The following ZKSCAN5 variants were observed in gnomAD, a reference collection of about 807,000 sequenced individuals.
ZKSCAN5 encodes zinc finger with KRAB and SCAN domains 5.
In ZKSCAN5, 28 loss-of-function variants were observed where a neutral mutation model predicts 60.0. That is an observed-to-expected ratio of 0.47 (90% CI 0.35 to 0.64). The LOEUF (loss-of-function observed/expected upper bound fraction) is 0.64. ZKSCAN5 is among the 30% of genes least tolerant of loss of function. The pLI is 0.01. For synonymous variants in ZKSCAN5, 361 were observed against 371.2 expected, an observed-to-expected ratio of 0.97 and a Z score of 0.31; for missense variants, 881 against 1,034.6, an observed-to-expected ratio of 0.85 and a Z score of 2.04.
chr7:99,518,493 C>T (rs73148823), intron 3 of ZKSCAN5, among the ~76,000 whole-genome samples: 374 of 151,910 alleles, frequency 2.5e-3, no homozygotes, highest in Admixed American at 4.3e-3. Context: ...TCACCCCAGG[C>T]CTTTTGAGTC....
intron 5 of ZKSCAN5, 69 bp downstream of exon 5, chr7:99,520,373 C>T (rs1392156279): frequency 4.0e-6 from 6 of 1,488,114 alleles, no homozygotes; most frequent in Non-Finnish European, 4.5e-6. Context: ...GTATTTCTGG[C>T]TCATCTTATA....
chr7:99,527,734 G>T (rs1240469392), intron 6 of ZKSCAN5, among the ~76,000 whole-genome samples: 1 of 151,834 alleles, frequency 6.6e-6, no homozygotes, highest in Non-Finnish European at 1.5e-5. Context: ...GCCCAGGCTG[G>T]AGTGCAATGG....
chr7:99,523,480 G>C (rs1474212562), intron 5 of ZKSCAN5, among the ~76,000 whole-genome samples: 1 of 152,134 alleles, frequency 6.6e-6, no homozygotes, highest in East Asian at 1.9e-4. Flanking sequence ...AATTAGCTAG[G>C]CGTGGTGGTG....
At chr7:99,514,222 C>A (rs187324596) in intron 3 of ZKSCAN5, among the ~76,000 whole-genome samples, 2 of 152,242 alleles carry the variant, frequency 1.3e-5, no homozygotes. Flanking sequence ...ATTAGAAATA[C>A]ATTGTTCATC....
rs959337247 is a variant in ZKSCAN5 at position 99,516,972 on chromosome 7, A to C, written c.554-2855A>C. On this transcript the variant is annotated intron_variant, in intron 3 of 6. Coordinates refer to ENST00000326775, the MANE Select transcript of ZKSCAN5 (RefSeq NM_145102.4). ...CAATCTTTTGGCTTTCCTGGGCCACACTGGAAGAAGAATTGTCTTGTGCCA... is the reference window on the plus strand; with the variant it reads ...CAATCTTTTGGCTTTCCTGGGCCACCCTGGAAGAAGAATTGTCTTGTGCCA... 3.9e-5 allele frequency among the ~76,000 whole-genome samples: 6 copies of C among 152,206 alleles called. No individual in the cohort carries two copies. The East Asian group carries it at 1.2e-3, about 29-fold the overall frequency.
rs1801776141 is a variant in ZKSCAN5 at position 99,526,136 on chromosome 7, C to T, written c.1096C>T (p.Arg366Cys). 3.7e-6 allele frequency: 6 copies of T among 1,614,082 alleles called. No individual in the cohort carries two copies. The highest frequency in any genetic ancestry group is 1.7e-5 in the Admixed American group (1 of 59,994). The change falls in exon 6 of 7, where the codon CGC becomes TGC. Residue 366 changes from arginine (R) to cysteine (C), a missense_variant. Transcript: ENST00000326775. ...LQASNFIQHR[R>C]IHTGEKPFKC... Reference sequence around the variant, plus strand: ...AGCCTCAAACTTTATTCAGCATCGGCGCATCCACACTGGAGAAAAACCGTT... The same window carrying T: ...AGCCTCAAACTTTATTCAGCATCGGTGCATCCACACTGGAGAAAAACCGTT...
rs1802042329 is a variant in ZKSCAN5, at chr7:99,531,487, C to T, written c.1758C>T (p.Tyr586=). The T allele has an allele frequency of 6.2e-7, 1 of 1,614,196 alleles. No individual in the cohort carries two copies. The highest frequency in any genetic ancestry group is 8.5e-7 in the Non-Finnish European group (1 of 1,180,046). The part of the protein sequence containing the change: ...PFRCEECGKS[Y]NQRVHLTQHQ... ...GGTGTGAGGAATGTGGGAAAAGCTA[C>T]AACCAACGCGTGCACCTAACTCAGC... is the stretch of plus-strand genomic sequence containing the variant. The change falls in exon 7 of 7, where the codon TAC becomes TAT. Residue 586 remains tyrosine, a synonymous_variant. Coordinates refer to ENST00000326775, the MANE Select transcript of ZKSCAN5 (RefSeq NM_145102.4).
intron 2 of ZKSCAN5, 42 bp downstream of exon 2, chr7:99,506,500 T>C: frequency 6.6e-7 from 1 of 1,525,402 alleles, no homozygotes; most frequent in African/African-American, 1.4e-5. Flanking sequence ...AGGAGAGGAG[T>C]GAACCATCTG....
Position 99,506,551 on chromosome 7 carries a change from C to G in ZKSCAN5, c.414+93C>G, listed in dbSNP as rs371304241. ...ATTCTTAGTCCTCTGCTGCTTCATT[C>G]ATATTCTTTTGTTCTCCTGGGATTA... On this transcript the variant is annotated intron_variant, in intron 2 of 6. Coordinates refer to ENST00000326775, the MANE Select transcript of ZKSCAN5 (RefSeq NM_145102.4). 7.0e-6 allele frequency: 10 copies of G among 1,428,234 alleles called. No homozygotes were observed. The African/African-American group carries it at 1.3e-4, about 18-fold the overall frequency. 88.5% of individuals were successfully genotyped at this position (1,428,234 alleles called of 1,614,324 possible).
Position 99,531,539 on chromosome 7 carries a change from C to G in ZKSCAN5, c.1810C>G (p.Pro604Ala). 1 of 1,614,182 alleles carries G rather than the reference C, an allele frequency of 6.2e-7. No individual in the cohort carries two copies. Among genetic ancestry groups the G allele is most frequent in the African/African-American group, 1.3e-5 (1 of 75,036 alleles). ...QHQRVHTGEKPYTCPLCGKAF... is the reference protein window; with the variant it reads ...QHQRVHTGEKAYTCPLCGKAF... ...TCAGCGCGTCCACACAGGTGAGAAG[C>G]CCTACACCTGTCCCTTATGTGGGAA... Residue 604 changes from proline to alanine, a missense_variant, in exon 7 of 7, where the codon CCC becomes GCC. By Grantham distance (27) the Pro-to-Ala change is conservative (BLOSUM62 -1). Around this residue, in one of 5 missense-constraint regions of ZKSCAN5, gnomAD observed 112 missense variants for 182.4 expected, o/e 0.61. Transcript: ENST00000326775.
chr7:99,519,775 T>C, intron 3 of ZKSCAN5, 52 bp from the exon 4 acceptor site: 1 of 1,563,306 alleles, frequency 6.4e-7, no homozygotes, highest in Non-Finnish European at 8.8e-7. Context: ...ATGATGGCAA[T>C]GAGAACCGGG....
chr7:99,510,263 G>A (rs1462903731), intron 2 of ZKSCAN5, among the ~76,000 whole-genome samples: 3 of 148,532 alleles, frequency 2.0e-5, no homozygotes, highest in Admixed American at 6.7e-5. Context: ...TTTTTAAGAC[G>A]GAGTCTGGCT....
intron 3 of ZKSCAN5, among the ~76,000 whole-genome samples, 192 bp downstream of exon 3, chr7:99,512,783 G>T (rs931359236): frequency 6.6e-6 from 1 of 151,930 alleles, no homozygotes; most frequent in Admixed American, 6.6e-5. Flanking sequence ...TCCTAGAATG[G>T]CTAGGAATTA....
rs1225565605 is a variant in ZKSCAN5, at chr7:99,531,699, G to A, written c.1970G>A (p.Arg657Gln). Residue 657 changes from arginine (R) to glutamine (Q), a missense_variant, in exon 7 of 7, where the codon CGA becomes CAA. This residue lies in a region of ZKSCAN5 where 112 missense variants were observed against 182.4 expected (regional missense o/e 0.61). Transcript: ENST00000326775. ...GCTGGACATCTTCGACTCCACTCCC[G>A]AGAGAAATCCCATCAGTGTCGTGAA... is the stretch of plus-strand genomic sequence containing the variant. ...HLAGHLRLHSREKSHQCRECG... is the reference protein window; with the variant it reads ...HLAGHLRLHSQEKSHQCRECG... 4.3e-6 allele frequency: 7 copies of A among 1,614,160 alleles called. No homozygotes were observed. The highest frequency in any genetic ancestry group is 1.1e-5 in the South Asian group (1 of 91,082).
At chr7:99,506,628 G>A (rs565129966) in intron 2 of ZKSCAN5, among the ~76,000 whole-genome samples, 170 bp downstream of exon 2, 1 of 152,182 alleles carries the variant, frequency 6.6e-6, no homozygotes, top group Non-Finnish European at 1.5e-5. Context: ...TATCCAGTGT[G>A]TTAACCTGTA....
At chr7:99,528,608 G>T (rs2151116884) in intron 6 of ZKSCAN5, among the ~76,000 whole-genome samples, 1 of 152,178 alleles carries the variant, frequency 6.6e-6, no homozygotes, top group Non-Finnish European at 1.5e-5. Flanking sequence ...TGTATTTTTT[G>T]TAGAGAAGGG....
Position 99,533,466 on chromosome 7 carries a change from G to T in ZKSCAN5, c.*1217G>T. The T allele has an allele frequency of 2.0e-6, 1 of 505,766 alleles. No individual in the cohort carries two copies. Among genetic ancestry groups the T allele is most frequent in the Admixed American group, 3.1e-5 (1 of 32,350 alleles). The allele number at this position is 505,766 out of a possible 1,614,324, so 31.3% of individuals were successfully genotyped here. On this transcript the variant is annotated 3_prime_UTR_variant, in exon 7 of 7. Transcript: ENST00000326775. ...TAAATATTTGTTGACCATATGTGTT[G>T]TACACTGTGGTGCCCTGTCCAGTCC...
At chr7:99,521,191 A>G (rs963880497) in intron 5 of ZKSCAN5, among the ~76,000 whole-genome samples, 4 of 151,992 alleles carry the variant, frequency 2.6e-5, no homozygotes, top group East Asian at 1.9e-4. Context: ...TACAAAATAT[A>G]TTTATTTTAT....
chr7:99,510,284 G>A (rs965867995), intron 2 of ZKSCAN5, among the ~76,000 whole-genome samples: 3 of 152,002 alleles, frequency 2.0e-5, no homozygotes, highest in African/African-American at 7.3e-5. Flanking sequence ...CTGCCACCCA[G>A]GCTGGAGTGC....
Sources: gnomAD v4.1 joint callset for allele counts (sites outside exome capture counted in the v4.1 genomes callset) on GRCh38, gnomAD v4.1.1 for gene constraint, gnomAD v4.1.1 regional missense constraint, MANE v1.5 for transcripts, NCBI Gene and HGNC (gene_info 2026-07-23, HGNC 2026-07-21) for gene names.